Variants in CFDP1 observed in about 807,000 individuals in gnomAD.
The protein encoded by CFDP1 is chromatin remodeling protein CFDP1.
In CFDP1, 31 loss-of-function variants were observed where a neutral mutation model predicts 40.1. The observed-to-expected ratio is 0.77, with a 90% CI of 0.58 to 1.04. CFDP1 has a LOEUF of 1.04. Among genes scored for constraint, CFDP1 ranks in the 50% least tolerant of loss-of-function variants. The probability of loss-of-function intolerance (pLI) is 0.00; values close to 1 mark genes in which losing one functional copy is unlikely to be tolerated. For missense variants in CFDP1, 423 were observed against 343.4 expected, an observed-to-expected ratio of 1.23 and a Z score of -1.83; for synonymous variants, 167 against 120.0, an observed-to-expected ratio of 1.39 and a Z score of -2.56.
intron 5 of CFDP1, among the ~76,000 whole-genome samples, chr16:75,339,173 T>C (rs1015999084): frequency 2.0e-5 from 3 of 152,106 alleles, no homozygotes; most frequent in African/African-American, 7.2e-5. Context: ...TGTATTCACT[T>C]TTCTGTCAGC....
chr16:75,361,170 C>A (rs552416562), intron 5 of CFDP1, among the ~76,000 whole-genome samples: 1 of 152,052 alleles, frequency 6.6e-6, no homozygotes, highest in African/African-American at 2.4e-5. Context: ...CCACCACACT[C>A]GGCTAATTTT....
chr16:75,427,966 C>T (rs534916835), intron 1 of CFDP1, among the ~76,000 whole-genome samples: 113 of 152,222 alleles, frequency 7.4e-4, no homozygotes, highest in African/African-American at 2.6e-3. Context: ...TTATGCTAAG[C>T]GGAAGAAGCC....
chr16:75,389,897 T>C (rs1464634275), intron 5 of CFDP1, among the ~76,000 whole-genome samples: 1 of 152,222 alleles, frequency 6.6e-6, no homozygotes, highest in African/African-American at 2.4e-5. Context: ...GTAAAGCTTT[T>C]TGAGATGCAT....
At chr16:75,393,860 C>G (rs886849959) in intron 5 of CFDP1, among the ~76,000 whole-genome samples, 1 of 151,180 alleles carries the variant, frequency 6.6e-6, no homozygotes, top group African/African-American at 2.4e-5. Flanking sequence ...GAGATCAAGA[C>G]CATCCTGGCT....
chr16:75,405,532 G>A (rs1303861541), intron 4 of CFDP1, among the ~76,000 whole-genome samples: 1 of 151,978 alleles, frequency 6.6e-6, no homozygotes, highest in Non-Finnish European at 1.5e-5. Flanking sequence ...CAGATCATAT[G>A]AGGTCAGGAG....
intron 6 of CFDP1, among the ~76,000 whole-genome samples, chr16:75,296,186 G>C (rs1051649795): frequency 1.3e-5 from 2 of 152,216 alleles, no homozygotes; most frequent in Admixed American, 6.5e-5. Context: ...ACCTGTCTGG[G>C]AGATCAGGTG....
chr16:75,431,090 G>A (rs1261846847), intron 1 of CFDP1, among the ~76,000 whole-genome samples: 1 of 152,100 alleles, frequency 6.6e-6, no homozygotes, highest in Admixed American at 6.5e-5. Context: ...AAGAAGTGCA[G>A]GAAAAGTAAT....
chr16:75,321,127 A>T (rs114853859), intron 5 of CFDP1, among the ~76,000 whole-genome samples: 2,502 of 152,128 alleles, frequency 0.016, 63 homozygotes, highest in African/African-American at 0.056. Flanking sequence ...ATATTTTAAT[A>T]AATTATTATT....
intron 5 of CFDP1, among the ~76,000 whole-genome samples, chr16:75,349,674 A>ATATATAT (rs2078595517): frequency 5.1e-4 from 3 of 5,894 alleles, no homozygotes; most frequent in Admixed American, 3.9e-3. Context: ...AAAAAAAAAA[A>ATATATAT]AAAAAAAAAA....
chr16:75,330,306 G>A (rs774850632), intron 5 of CFDP1, among the ~76,000 whole-genome samples: 2 of 152,198 alleles, frequency 1.3e-5, no homozygotes, highest in Non-Finnish European at 2.9e-5. Flanking sequence ...ATAATGATAA[G>A]CCTGGGACAG....
At chr16:75,336,278 G>A (rs1253853009) in intron 5 of CFDP1, among the ~76,000 whole-genome samples, 1 of 152,220 alleles carries the variant, frequency 6.6e-6, no homozygotes, top group Non-Finnish European at 1.5e-5. Flanking sequence ...ACAGGAGCCT[G>A]TGTGAAGATG....
chr16:75,343,663 C>T (rs1163852440), intron 5 of CFDP1, among the ~76,000 whole-genome samples: 1 of 152,068 alleles, frequency 6.6e-6, no homozygotes, highest in Admixed American at 6.5e-5. Flanking sequence ...TACAAGCTTC[C>T]AAAAAGAAAC....
chr16:75,301,813 A>C (rs2078223839), intron 6 of CFDP1: 1 of 152,176 alleles, frequency 6.6e-6, no homozygotes, highest in Non-Finnish European at 1.5e-5. Flanking sequence ...TGAACTTTGG[A>C]AAATGTCACC....
chr16:75,305,276 G>T, intron 5 of CFDP1, 94 bp from the exon 6 acceptor site: 1 of 1,293,466 alleles, frequency 7.7e-7, no homozygotes, highest in Non-Finnish European at 1.1e-6. Context: ...CCTAGATTGG[G>T]GCCATTTATC....
intron 5 of CFDP1, among the ~76,000 whole-genome samples, chr16:75,352,007 CAAAAAAAAAAA>C (rs3975153): frequency 3.9e-4 from 34 of 86,758 alleles, no homozygotes; most frequent in African/African-American, 1.3e-3. Context: ...GACTCTGTCT[CAAAAAAAAAAA>C]AAAAAAAAAA....
At chr16:75,411,682 T>C (rs376737771) in intron 4 of CFDP1, 143 bp downstream of exon 4, 3 of 797,748 alleles carry the variant, frequency 3.8e-6, no homozygotes, top group African/African-American at 1.7e-5. Flanking sequence ...TGGTAATTTA[T>C]AGAGCCAGTT....
intron 5 of CFDP1, among the ~76,000 whole-genome samples, chr16:75,322,162 T>C (rs1027025452): frequency 6.6e-6 from 1 of 152,220 alleles, no homozygotes; most frequent in African/African-American, 2.4e-5. Context: ...ATGATGGTCA[T>C]GCATACATTT....
At chr16:75,384,835 G>T (rs1410899271) in intron 5 of CFDP1, among the ~76,000 whole-genome samples, 1 of 99,842 alleles carries the variant, frequency 1.0e-5, no homozygotes, top group Non-Finnish European at 2.1e-5. Context: ...AATACAAGTT[G>T]CAAGAAGAAA....
intron 4 of CFDP1, among the ~76,000 whole-genome samples, chr16:75,396,421 C>T (rs1275386948): frequency 9.7e-6 from 1 of 103,070 alleles, no homozygotes; most frequent in African/African-American, 2.9e-5. Flanking sequence ...CGCCTGTAAT[C>T]ACAGCTACTA....
Sources: allele counts gnomAD v4.1 joint callset (sites outside exome capture counted in the v4.1 genomes callset), GRCh38; gene constraint gnomAD v4.1.1; transcripts MANE v1.5; gene names NCBI Gene and HGNC (gene_info 2026-07-23, HGNC 2026-07-21).